Variants in MRPL42 observed in about 807,000 individuals in gnomAD.
The protein encoded by MRPL42 is mitochondrial ribosomal protein L42, also known as large ribosomal subunit protein mL42.
Under a neutral mutation model 17.9 loss-of-function variants are expected in MRPL42, and 17 were observed. The ratio of observed to expected loss-of-function variants is 0.95; its 90% CI spans 0.65 to 1.42. The LOEUF (loss-of-function observed/expected upper bound fraction) is 1.42, where lower values mean the gene tolerates loss of function less well. Among genes scored for constraint, MRPL42 ranks in the 40% most tolerant of loss-of-function variants. MRPL42 has a pLI of 0.00. For missense variants in MRPL42, 177 were observed against 175.2 expected (o/e 1.01, Z -0.06); for synonymous variants, 59 against 54.4 (o/e 1.08, Z -0.37).
At chr12:93,479,494 G>A (rs377038622) in intron 4 of MRPL42, 22 bp downstream of exon 4, 1 of 1,542,186 alleles carries the variant, frequency 6.5e-7, no homozygotes, top group Non-Finnish European at 8.9e-7. Flanking sequence ...AAAATTTCTT[G>A]CAGTTTTTAA....
In MRPL42 at chr12:93,503,982, T is replaced by A. The variant is rs1046692123; in HGVS notation, c.*2761T>A. On this transcript the variant is annotated 3_prime_UTR_variant, in exon 6 of 6. Coordinates refer to ENST00000549982, the MANE Select transcript of MRPL42 (RefSeq NM_014050.4). ...ATTATTACCATTTTCTTTTTTTATT[T>A]TTTTTTTAAATTTATTTCTTCTTTT... The A allele has an allele frequency of 2.8e-5, 4 of 142,720 alleles. No homozygotes were observed. Among genetic ancestry groups the A allele is most frequent in the East Asian group, 2.0e-4 (1 of 5,024 alleles). The allele number at this position is 142,720 out of a possible 1,614,324, so 8.8% of individuals were successfully genotyped here.
At position 93,510,070 on chromosome 12, in the gene MRPL42, C is replaced by A. The variant is rs1167337708; in HGVS notation, c.*8849C>A. 2.0e-5 allele frequency: 3 copies of A among 152,528 alleles called. No individual in the cohort carries two copies. Among genetic ancestry groups the A allele is most frequent in the African/African-American group, 7.2e-5 (3 of 41,578 alleles). 9.4% of individuals were successfully genotyped at this position (152,528 alleles called of 1,614,324 possible). ...TATAGTCATGCAGAGTCTACACTGTCCTAAAAACCCTTGGCTCTGCCTCTT... is the reference window on the plus strand; with the variant it reads ...TATAGTCATGCAGAGTCTACACTGTACTAAAAACCCTTGGCTCTGCCTCTT... On this transcript the variant is annotated 3_prime_UTR_variant, in exon 6 of 6. Transcript: ENST00000549982.
rs1354432127 is a variant in MRPL42, at chr12:93,513,221, T to TC, written c.*12001dup. 1 of 101,798 alleles carries TC rather than the reference T, an allele frequency of 9.8e-6. No individual in the cohort carries two copies. The highest frequency in any genetic ancestry group is 3.8e-5 in the African/African-American group (1 of 25,988). The allele number at this position is 101,798 out of a possible 1,614,324, so 6.3% of individuals were successfully genotyped here. On this transcript the variant is annotated 3_prime_UTR_variant, in exon 6 of 6. Transcript: ENST00000549982. ...TTTTTTTTTTTTGAGAGAGAGGGTC[T>TC]CATTCATTTTATTGCCCAGGCTGGA...
At chr12:93,476,243 A>G (rs890084826) in intron 2 of MRPL42, among the ~76,000 whole-genome samples, 1 of 152,032 alleles carries the variant, frequency 6.6e-6, no homozygotes, top group East Asian at 1.9e-4. Flanking sequence ...CTGGAGTGCA[A>G]TAGCATGATC....
At chr12:93,474,141 A>G (rs1880044676) in intron 2 of MRPL42, among the ~76,000 whole-genome samples, 1 of 133,584 alleles carries the variant, frequency 7.5e-6, no homozygotes, top group African/African-American at 2.9e-5. Flanking sequence ...CTTGTTAACT[A>G]AAATACTGTT....
At chr12:93,479,638 G>C (rs1005822248) in intron 4 of MRPL42, among the ~76,000 whole-genome samples, 166 bp downstream of exon 4, 4 of 151,534 alleles carry the variant, frequency 2.6e-5, no homozygotes, top group Non-Finnish European at 5.9e-5. Context: ...TTTTTCATCT[G>C]CTTTCTTTAC....
intron 5 of MRPL42, among the ~76,000 whole-genome samples, chr12:93,497,110 C>G (rs111670750): frequency 0.012 from 1,896 of 152,232 alleles, 43 homozygotes; most frequent in African/African-American, 0.043. Flanking sequence ...CTGGACCAGA[C>G]AGATCCACAG....
At chr12:93,477,180 G>T (rs886564998) in intron 3 of MRPL42, among the ~76,000 whole-genome samples, 163 bp downstream of exon 3, 5 of 151,978 alleles carry the variant, frequency 3.3e-5, no homozygotes, top group Non-Finnish European at 5.9e-5. Context: ...CAGTATCTGG[G>T]CTTATAAACA....
intron 4 of MRPL42, among the ~76,000 whole-genome samples, chr12:93,485,552 G>A (rs1880703054): frequency 1.2e-5 from 1 of 82,844 alleles, no homozygotes; most frequent in South Asian, 3.2e-4. Context: ...GCGTATGAAT[G>A]TAAAGAAAAT....
intron 5 of MRPL42, among the ~76,000 whole-genome samples, chr12:93,495,963 G>A (rs1953493107): frequency 6.6e-6 from 1 of 152,224 alleles, no homozygotes; most frequent in Non-Finnish European, 1.5e-5. Flanking sequence ...AGGTGAGATA[G>A]TATTCCATCA....
At chr12:93,484,605 A>G (rs1451772848) in intron 4 of MRPL42, among the ~76,000 whole-genome samples, 2 of 151,932 alleles carry the variant, frequency 1.3e-5, no homozygotes, top group African/African-American at 4.8e-5. Context: ...TGACTAAAAC[A>G]TTGTTATTTC....
intron 5 of MRPL42, among the ~76,000 whole-genome samples, chr12:93,500,131 T>C (rs1263915263): frequency 6.6e-6 from 1 of 152,228 alleles, no homozygotes; most frequent in Non-Finnish European, 1.5e-5. Context: ...CATTTCTCTA[T>C]ATCTATACAT....
intron 2 of MRPL42, among the ~76,000 whole-genome samples, chr12:93,470,050 GT>G (rs1879835721): frequency 6.7e-6 from 1 of 149,856 alleles, no homozygotes; most frequent in Non-Finnish European, 1.5e-5. Flanking sequence ...TACTTTTTTA[GT>G]ATTTCTTAAA....
intron 2 of MRPL42, chr12:93,470,519 A>C: frequency 7.7e-7 from 1 of 1,293,722 alleles, no homozygotes; most frequent in Non-Finnish European, 1.0e-6. Flanking sequence ...TGTTACGTGG[A>C]TGTATTACAT....
At position 93,501,220 on chromosome 12, in the gene MRPL42, G is replaced by A; in HGVS notation, c.428G>A (p.Ter143=). The A allele has an allele frequency of 6.2e-7, 1 of 1,601,740 alleles. No individual in the cohort carries two copies. Among genetic ancestry groups the A allele is most frequent in the Non-Finnish European group, 8.5e-7 (1 of 1,176,208 alleles). Residue 143 remains the stop codon, a stop_retained_variant, in exon 6 of 6, where the codon TGA becomes TAA. Coordinates refer to ENST00000549982, the MANE Select transcript of MRPL42 (RefSeq NM_014050.4). ...RKNLNPPKDR[*] Reference sequence around the variant, plus strand: ...AATCTGAATCCTCCAAAAGACAGATGATGCGGAGGTTCCTGGGGGAATCAA... The same window carrying A: ...AATCTGAATCCTCCAAAAGACAGATAATGCGGAGGTTCCTGGGGGAATCAA...
chr12:93,472,792 G>A (rs1458945965), intron 2 of MRPL42, among the ~76,000 whole-genome samples: 1 of 152,138 alleles, frequency 6.6e-6, no homozygotes, highest in East Asian at 1.9e-4. Context: ...ACACTTCACA[G>A]TTTTCAAAGC....
rs1953655297 is a variant in MRPL42 at position 93,505,133 on chromosome 12, T to A, written c.*3912T>A. On this transcript the variant is annotated 3_prime_UTR_variant, in exon 6 of 6. Transcript: ENST00000549982. ...CAGCAACTCATTACAGTCTGTCACATCATGCCCTAATTCTACTTGCCTGTA... is the reference window on the plus strand; with the variant it reads ...CAGCAACTCATTACAGTCTGTCACAACATGCCCTAATTCTACTTGCCTGTA... 1 of 152,158 alleles carries A rather than the reference T, an allele frequency of 6.6e-6. No homozygotes were observed. Among genetic ancestry groups the A allele is most frequent in the African/African-American group, 2.4e-5 (1 of 41,424 alleles). 9.4% of individuals were successfully genotyped at this position (152,158 alleles called of 1,614,324 possible). A position where few individuals can be genotyped will look rare whatever the true frequency, so the allele number is the denominator to read the frequency against.
rs58784396 is a variant in MRPL42, at chr12:93,513,183, A to ATTTTTTTTTTT, written c.*11976_*11986dup. On this transcript the variant is annotated 3_prime_UTR_variant, in exon 6 of 6. Coordinates refer to ENST00000549982, the MANE Select transcript of MRPL42 (RefSeq NM_014050.4). ...AACCAGCTCATTTGTGACATTTAGA[A>ATTTTTTTTTTT]TTTTTTTTTTTTTTTTTTTTTTTTG... 5.6e-5 allele frequency: 5 copies of ATTTTTTTTTTT among 89,148 alleles called. No homozygotes were observed. The highest frequency in any genetic ancestry group is 6.2e-5 in the Non-Finnish European group (3 of 48,506). The allele number at this position is 89,148 out of a possible 1,614,324, so 5.5% of individuals were successfully genotyped here. A position where few individuals can be genotyped will look rare whatever the true frequency, so the allele number is the denominator to read the frequency against.
In MRPL42 at chr12:93,508,641, A is replaced by G. The variant is rs925152354; in HGVS notation, c.*7420A>G. 1.3e-5 allele frequency: 2 copies of G among 152,092 alleles called. No individual in the cohort carries two copies. Among genetic ancestry groups the G allele is most frequent in the Admixed American group, 6.5e-5 (1 of 15,272 alleles). The allele number at this position is 152,092 out of a possible 1,614,324, so 9.4% of individuals were successfully genotyped here. On this transcript the variant is annotated 3_prime_UTR_variant, in exon 6 of 6. Transcript: ENST00000549982. ...GTAATCGATTTGTTTATGGGTTTACATTGTCATGTCTCCACAGGACAATGC... is the reference window on the plus strand; with the variant it reads ...GTAATCGATTTGTTTATGGGTTTACGTTGTCATGTCTCCACAGGACAATGC...
Sources: gnomAD v4.1 joint callset for allele counts (sites outside exome capture counted in the v4.1 genomes callset) on GRCh38, gnomAD v4.1.1 for gene constraint, MANE v1.5 for transcripts, NCBI Gene and HGNC (gene_info 2026-07-23, HGNC 2026-07-21) for gene names.